SGCZ: variants seen among roughly 807,000 people sequenced by gnomAD.
SGCZ encodes the protein sarcoglycan zeta.
A neutral mutation model predicts 41.3 loss-of-function variants in SGCZ; 40 were observed. That is an observed-to-expected ratio of 0.97 (90% CI 0.75 to 1.26). SGCZ has a LOEUF of 1.26. Among genes scored for constraint, SGCZ ranks in the 50% most tolerant of loss-of-function variants. SGCZ has a pLI of 0.00. For synonymous variants in SGCZ, 206 were observed against 137.5 expected, an observed-to-expected ratio of 1.50 and a Z score of -3.49; for missense variants, 552 against 369.8, an observed-to-expected ratio of 1.49 and a Z score of -4.04.
chr8:14,169,581 T>C (rs1293406202), intron 4 of SGCZ, among the ~76,000 whole-genome samples: 1 of 152,136 alleles, frequency 6.6e-6, no homozygotes, highest in Non-Finnish European at 1.5e-5. Flanking sequence ...ACCTCCTTTG[T>C]CACCCATGTC....
At chr8:14,709,517 A>C (rs894805541) in intron 1 of SGCZ, among the ~76,000 whole-genome samples, 2 of 152,192 alleles carry the variant, frequency 1.3e-5, no homozygotes, top group African/African-American at 4.8e-5. Context: ...CACCCTTCTC[A>C]ATTGTGCAGA....
intron 1 of SGCZ, among the ~76,000 whole-genome samples, chr8:14,784,775 G>A (rs1800701491): frequency 6.6e-6 from 1 of 150,564 alleles, no homozygotes; most frequent in Admixed American, 6.7e-5. Context: ...GGTGGCGTAT[G>A]CCTGTAATCC....
chr8:15,032,199 A>T (rs1376196379), intron 1 of SGCZ, among the ~76,000 whole-genome samples: 1 of 152,136 alleles, frequency 6.6e-6, no homozygotes, highest in Non-Finnish European at 1.5e-5. Flanking sequence ...CAGAAACATC[A>T]ACTTATATAA....
intron 2 of SGCZ, among the ~76,000 whole-genome samples, chr8:14,381,173 T>C (rs2117190568): frequency 6.6e-6 from 1 of 152,338 alleles, no homozygotes; most frequent in East Asian, 1.9e-4. Flanking sequence ...TGGATGGCTG[T>C]GTTAATTATT....
chr8:14,339,923 C>T (rs139680895), intron 2 of SGCZ, among the ~76,000 whole-genome samples: 1,773 of 151,214 alleles, frequency 0.012, 28 homozygotes, highest in African/African-American at 0.038. Flanking sequence ...AGAAATGGAA[C>T]GAAAATATAA....
rs556969297 is a variant in SGCZ at position 14,270,948 on chromosome 8, C to G, written c.337-33269G>C. ...CATTCTCTGCAAACTATCCCAAGGA[C>G]AAAAAACCAAACACCACATGTTCTC... On this transcript the variant is annotated intron_variant, in intron 3 of 7. Transcript: ENST00000382080. 1.1e-4 allele frequency among the ~76,000 whole-genome samples: 16 copies of G among 152,144 alleles called. No individual in the cohort carries two copies. In the South Asian group the frequency reaches 2.1e-3, roughly 20 times the overall value.
At chr8:14,255,290 G>A (rs950881970) in intron 3 of SGCZ, among the ~76,000 whole-genome samples, 61 of 152,222 alleles carry the variant, frequency 4.0e-4, no homozygotes, top group African/African-American at 1.5e-3. Flanking sequence ...CTCTTAGGTT[G>A]TTGATCTATC....
In SGCZ at chr8:14,697,162, G is replaced by C. The variant is rs1213597440; in HGVS notation, c.40-142236C>G. On this transcript the variant is annotated intron_variant, in intron 1 of 7. Transcript: ENST00000382080. ...ATTCTAAAAATAAAATAATAATGGT[G>C]GTCTCATTACACTCAGTTTTTAGTG... Among the ~76,000 whole-genome samples the C allele has an allele frequency of 2.0e-5, 3 of 151,932 alleles. No individual in the cohort carries two copies. In the East Asian group the frequency reaches 5.8e-4, roughly 29 times the overall value.
At chr8:15,224,551 T>C (rs1801706630) in intron 1 of SGCZ, among the ~76,000 whole-genome samples, 1 of 152,080 alleles carries the variant, frequency 6.6e-6, no homozygotes, top group Non-Finnish European at 1.5e-5. Context: ...TAAACATAAC[T>C]CATGAACTAA....
At chr8:15,146,277 T>G (rs531855330) in intron 1 of SGCZ, among the ~76,000 whole-genome samples, 67 of 152,214 alleles carry the variant, frequency 4.4e-4, no homozygotes, top group Non-Finnish European at 7.2e-4. Context: ...TACCGTTGAT[T>G]TTCGTCGGAA....
chr8:14,834,418 G>C (rs1339137040), intron 1 of SGCZ, among the ~76,000 whole-genome samples: 1 of 152,090 alleles, frequency 6.6e-6, no homozygotes, highest in Non-Finnish European at 1.5e-5. Context: ...GCCAAACAAA[G>C]GTTTATTTTT....
At chr8:14,329,068 T>TC (rs1391374617) in intron 2 of SGCZ, among the ~76,000 whole-genome samples, 1 of 152,088 alleles carries the variant, frequency 6.6e-6, no homozygotes, top group Non-Finnish European at 1.5e-5. Context: ...CTGCGTTTTT[T>TC]TTTCTTCTAA....
chr8:14,947,047 TTCTTTATCCAGCC>T (rs1800475215), intron 1 of SGCZ, among the ~76,000 whole-genome samples: 1 of 152,052 alleles, frequency 6.6e-6, no homozygotes, highest in South Asian at 2.1e-4. Flanking sequence ...ATCTTTGTAT[TTCTTTATCCAGCC>T]TCTCCCCATC....
intron 1 of SGCZ, among the ~76,000 whole-genome samples, chr8:14,585,188 C>T (rs1274790656): frequency 4.6e-5 from 7 of 152,056 alleles, no homozygotes; most frequent in Admixed American, 3.3e-4. Context: ...AATTTAGCTT[C>T]GGCGTTAAAT....
At chr8:14,441,852 T>G (rs1026484289) in intron 2 of SGCZ, among the ~76,000 whole-genome samples, 3 of 152,222 alleles carry the variant, frequency 2.0e-5, no homozygotes, top group Non-Finnish European at 2.9e-5. Flanking sequence ...TCTGGTATTC[T>G]GACCTGACAC....
intron 4 of SGCZ, among the ~76,000 whole-genome samples, chr8:14,208,971 G>A (rs1382955092): frequency 6.6e-6 from 1 of 152,102 alleles, no homozygotes; most frequent in Non-Finnish European, 1.5e-5. Flanking sequence ...TGCAGACATG[G>A]ACAAACAAGC....
At position 14,869,483 on chromosome 8, in the gene SGCZ, T is replaced by C. The variant is rs1230723105; in HGVS notation, c.40-314557A>G. On this transcript the variant is annotated intron_variant, in intron 1 of 7. Coordinates refer to ENST00000382080, the MANE Select transcript of SGCZ (RefSeq NM_139167.4). ...TATGACAAACCCACAGCCAATATCATACTGAATGGGCAAAAGCTGGAAGCA... is the reference window on the plus strand; with the variant it reads ...TATGACAAACCCACAGCCAATATCACACTGAATGGGCAAAAGCTGGAAGCA... Among the ~76,000 whole-genome samples the C allele has an allele frequency of 3.3e-5, 5 of 152,154 alleles. No individual in the cohort carries two copies. The East Asian group carries it at 9.7e-4, about 29-fold the overall frequency.
chr8:14,415,955 T>C (rs2117290572), intron 2 of SGCZ, among the ~76,000 whole-genome samples: 1 of 152,076 alleles, frequency 6.6e-6, no homozygotes, highest in East Asian at 1.9e-4. Context: ...AATTTCTCTA[T>C]AATAATGGAA....
intron 1 of SGCZ, among the ~76,000 whole-genome samples, chr8:15,184,580 T>C (rs1039297959): frequency 2.6e-5 from 4 of 151,918 alleles, no homozygotes; most frequent in Admixed American, 6.6e-5. Context: ...CCTAGATCTC[T>C]TGCACTCTGG....
Sources: gnomAD v4.1 joint callset for allele counts (sites outside exome capture counted in the v4.1 genomes callset) on GRCh38, gnomAD v4.1.1 for gene constraint, MANE v1.5 for transcripts, NCBI Gene and HGNC (gene_info 2026-07-23, HGNC 2026-07-21) for gene names.